Variants in CDK6 observed in about 807,000 individuals in gnomAD.
CDK6 encodes the protein cyclin-dependent kinase 6.
A neutral mutation model predicts 37.1 loss-of-function variants in CDK6; 6 were observed. That is an observed-to-expected ratio of 0.16 (90% CI 0.09 to 0.32). The LOEUF (loss-of-function observed/expected upper bound fraction) is 0.32, where lower values mean the gene tolerates loss of function less well. Ranked by LOEUF, CDK6 falls within the 10% of genes least tolerant of loss-of-function variation. The pLI is 1.00. For synonymous variants in CDK6, 160 were observed against 161.3 expected (o/e 0.99, Z 0.06); for missense variants, 224 against 418.9 (o/e 0.53, Z 4.06).
At chr7:92,765,835 T>C (rs1259928929) in intron 3 of CDK6, among the ~76,000 whole-genome samples, 2 of 152,174 alleles carry the variant, frequency 1.3e-5, no homozygotes, top group African/African-American at 2.4e-5. Context: ...TAATGTGGTG[T>C]AATGTGATAA....
intron 6 of CDK6, 25 bp downstream of exon 6, chr7:92,623,011 G>C (rs2116494659): frequency 1.4e-6 from 2 of 1,437,552 alleles, no homozygotes; most frequent in Non-Finnish European, 1.9e-6. Context: ...ATGGACACTG[G>C]TGTAAAATTA....
At chr7:92,778,924 C>CAT (rs145888983) in intron 2 of CDK6, among the ~76,000 whole-genome samples, 17,863 of 108,886 alleles carry the variant, frequency 0.16, 1,805 homozygotes, top group Non-Finnish European at 0.19. Context: ...TATAGTTTAT[C>CAT]ATATATATAT....
At chr7:92,791,048 C>T (rs995853404) in intron 2 of CDK6, among the ~76,000 whole-genome samples, 1 of 152,072 alleles carries the variant, frequency 6.6e-6, no homozygotes, top group Non-Finnish European at 1.5e-5. Flanking sequence ...ACTGTTGCTG[C>T]AGTAGTACAG....
chr7:92,789,639 C>A (rs1800233639), intron 2 of CDK6, among the ~76,000 whole-genome samples: 2 of 152,068 alleles, frequency 1.3e-5, no homozygotes, highest in Admixed American at 1.3e-4. Context: ...TTAAAAAATT[C>A]TTTGTTTTGA....
Position 92,615,034 on chromosome 7 carries a change from G to T in CDK6, c.*106C>A, listed in dbSNP as rs1795642401. 2.6e-6 allele frequency: 3 copies of T among 1,140,730 alleles called. No individual in the cohort carries two copies. The highest frequency in any genetic ancestry group is 3.7e-6 in the Non-Finnish European group (3 of 802,398). 70.7% of individuals were successfully genotyped at this position (1,140,730 alleles called of 1,614,324 possible). A position where few individuals can be genotyped will look rare whatever the true frequency, so the allele number is the denominator to read the frequency against. Reference sequence around the variant, plus strand: ...CTGTCCAGAAGACAGCAGCTGGAAGGCCTCCAGATAGCAATCCTCCACAGC... The same window carrying T: ...CTGTCCAGAAGACAGCAGCTGGAAGTCCTCCAGATAGCAATCCTCCACAGC... On this transcript the variant is annotated 3_prime_UTR_variant, in exon 8 of 8. Coordinates refer to ENST00000424848, the MANE Select transcript of CDK6 (RefSeq NM_001145306.2).
chr7:92,792,512 T>A (rs553134094), intron 2 of CDK6, among the ~76,000 whole-genome samples: 3 of 152,108 alleles, frequency 2.0e-5, no homozygotes, highest in Non-Finnish European at 4.4e-5. Context: ...ATATATATAT[T>A]TTTTGAAAGT....
chr7:92,828,104 T>A (rs1039300119), intron 2 of CDK6, among the ~76,000 whole-genome samples: 1 of 152,134 alleles, frequency 6.6e-6, no homozygotes, highest in Non-Finnish European at 1.5e-5. Flanking sequence ...ATTACCTGCA[T>A]AATTTACCTG....
intron 2 of CDK6, among the ~76,000 whole-genome samples, chr7:92,781,908 A>T (rs1374026104): frequency 6.6e-6 from 1 of 152,174 alleles, no homozygotes; most frequent in African/African-American, 2.4e-5. Flanking sequence ...ACATCTCACT[A>T]GCCCTACACT....
chr7:92,797,550 T>C (rs946809589), intron 2 of CDK6, among the ~76,000 whole-genome samples: 2 of 152,148 alleles, frequency 1.3e-5, no homozygotes, highest in Non-Finnish European at 2.9e-5. Flanking sequence ...TGGCTCCCTA[T>C]GTTTGGGCAG....
rs1253268209 is a variant in CDK6 at position 92,608,684 on chromosome 7, G to C, written c.*6456C>G. On this transcript the variant is annotated 3_prime_UTR_variant, in exon 8 of 8. Transcript: ENST00000424848. ...ATTGTGTTGTACTTATTTATGCACAGAAGACACCCGTTTGCTACTAGGGAC... is the reference window on the plus strand; with the variant it reads ...ATTGTGTTGTACTTATTTATGCACACAAGACACCCGTTTGCTACTAGGGAC... The C allele has an allele frequency of 4.3e-6, 1 of 231,282 alleles. No homozygotes were observed. The highest frequency in any genetic ancestry group is 2.2e-5 in the African/African-American group (1 of 45,226). The allele number at this position is 231,282 out of a possible 1,614,324, so 14.3% of individuals were successfully genotyped here. A position where few individuals can be genotyped will look rare whatever the true frequency, so the allele number is the denominator to read the frequency against.
rs76519472 is a variant in CDK6, at chr7:92,655,377, A to C, written c.647+16049T>G. Among the ~76,000 whole-genome samples the C allele has an allele frequency of 2.2e-3, 328 of 152,344 alleles. 1 individual carries two copies. The highest frequency in any genetic ancestry group is 7.2e-3 in the African/African-American group (301 of 41,576). On this transcript the variant is annotated intron_variant, in intron 5 of 7. Coordinates refer to ENST00000424848, the MANE Select transcript of CDK6 (RefSeq NM_001145306.2). ...CAATCTGTAAAAAAGGTACTAGGTT[A>C]GAGAAAAAAATGAAACATGTCTAAG...
chr7:92,619,940 T>C (rs185427602), intron 6 of CDK6, among the ~76,000 whole-genome samples: 1 of 152,290 alleles, frequency 6.6e-6, no homozygotes, highest in East Asian at 1.9e-4. Context: ...CGTGTAAGTG[T>C]CTGGATACAA....
chr7:92,605,453 C>A lies in CDK6; in HGVS notation c.*9687G>T. 1 of 233,056 alleles carries A rather than the reference C, an allele frequency of 4.3e-6. No individual in the cohort carries two copies. The highest frequency in any genetic ancestry group is 8.5e-6 in the Non-Finnish European group (1 of 117,900). 14.4% of individuals were successfully genotyped at this position (233,056 alleles called of 1,614,324 possible). A position where few individuals can be genotyped will look rare whatever the true frequency, so the allele number is the denominator to read the frequency against. On this transcript the variant is annotated 3_prime_UTR_variant, in exon 8 of 8. Transcript: ENST00000424848. ...CCCTTACTTGAGCTACTTTTAAAAC[C>A]AGATTTTTAATGATAGGGTACTTAA...
In CDK6 at chr7:92,833,564, T is replaced by TCGCCGC. The variant is rs552308183; in HGVS notation, c.-247_-242dup. The TCGCCGC allele has an allele frequency of 3.5e-5, 19 of 535,904 alleles. 1 individual carries two copies. Among genetic ancestry groups the TCGCCGC allele is most frequent in the African/African-American group, 1.7e-4 (8 of 47,926 alleles). 33.2% of individuals were successfully genotyped at this position (535,904 alleles called of 1,614,324 possible). On this transcript the variant is annotated 5_prime_UTR_variant, in exon 2 of 8. Coordinates refer to ENST00000424848, the MANE Select transcript of CDK6 (RefSeq NM_001145306.2). This position sits in a 1 kb window ranked among gnomAD's most constrained non-coding sequence, Gnocchi z 6.1. ...CCGCCGCGAAACTCCGCCTGCAGAG[T>TCGCCGC]CGCCGCCGCCGCCGCCGCCGGAGGA...
chr7:92,675,249 C>T (rs1044244242), intron 4 of CDK6, among the ~76,000 whole-genome samples: 6 of 152,174 alleles, frequency 3.9e-5, no homozygotes, highest in Non-Finnish European at 5.9e-5. Context: ...TATAGACAGT[C>T]AAAATCATAA....
At chr7:92,741,225 T>C (rs1798918671) in intron 3 of CDK6, among the ~76,000 whole-genome samples, 1 of 152,214 alleles carries the variant, frequency 6.6e-6, no homozygotes, top group Admixed American at 6.5e-5. Flanking sequence ...TAGAGTGATA[T>C]ATACAGCTTG....
At chr7:92,830,162 A>G (rs1371289291) in intron 2 of CDK6, among the ~76,000 whole-genome samples, 2 of 152,216 alleles carry the variant, frequency 1.3e-5, no homozygotes. Flanking sequence ...AATGTAAAAA[A>G]AGAGTAAATT....
intron 2 of CDK6, among the ~76,000 whole-genome samples, chr7:92,791,845 C>A (rs1488379486): frequency 1.3e-5 from 2 of 151,906 alleles, no homozygotes; most frequent in African/African-American, 4.8e-5. Flanking sequence ...TGGGGAATTG[C>A]GGATAGTCTG....
chr7:92,625,546 A>G (rs1795908626), intron 5 of CDK6, among the ~76,000 whole-genome samples: 1 of 148,282 alleles, frequency 6.7e-6, no homozygotes, highest in Non-Finnish European at 1.5e-5. Context: ...AAAAAACAAA[A>G]CAAAACAAAA....
Sources: allele counts gnomAD v4.1 joint callset (sites outside exome capture counted in the v4.1 genomes callset), GRCh38; gene constraint gnomAD v4.1.1; non-coding constraint Gnocchi (gnomAD v3.1); transcripts MANE v1.5; gene names NCBI Gene and HGNC (gene_info 2026-07-23, HGNC 2026-07-21).